Variants in NAALADL2 observed in about 807,000 individuals in gnomAD.
The protein encoded by NAALADL2 is N-acetylated alpha-linked acidic dipeptidase like 2.
In NAALADL2, 76 loss-of-function variants were observed where a neutral mutation model predicts 87.2. That is an observed-to-expected ratio of 0.87 (90% CI 0.72 to 1.05). NAALADL2 has a LOEUF of 1.05. NAALADL2 is among the 50% of genes least tolerant of loss of function. NAALADL2 has a pLI of 0.00. For synonymous variants in NAALADL2, 354 were observed against 331.0 expected, an observed-to-expected ratio of 1.07 and a Z score of -0.75; for missense variants, 1,089 against 945.8, an observed-to-expected ratio of 1.15 and a Z score of -1.99.
rs115434093 is a variant in NAALADL2 at position 175,326,170 on chromosome 3, C to T, written c.1090+1845C>T. Among the ~76,000 whole-genome samples the T allele has an allele frequency of 8.3e-3, 1,266 of 152,336 alleles. 18 individuals carry two copies. The highest frequency in any genetic ancestry group is 0.029 in the African/African-American group (1,220 of 41,574). On this transcript the variant is annotated intron_variant, in intron 5 of 13. Transcript: ENST00000454872. Reference sequence around the variant, plus strand: ...AAATTCTACCTTCCATAAAGCCCTACGGCATGGACACAATTCAGTCAAATT... The same window carrying T: ...AAATTCTACCTTCCATAAAGCCCTATGGCATGGACACAATTCAGTCAAATT...
intron 1 of NAALADL2, among the ~76,000 whole-genome samples, chr3:174,917,928 G>GTATTT (rs978384978): frequency 2.6e-5 from 4 of 151,960 alleles, no homozygotes; most frequent in African/African-American, 9.7e-5. Context: ...TTTTAAAACT[G>GTATTT]AAAATAGTGT....
intron 2 of NAALADL2, among the ~76,000 whole-genome samples, chr3:174,725,056 T>A (rs1250206872): frequency 6.6e-6 from 1 of 152,126 alleles, no homozygotes; most frequent in African/African-American, 2.4e-5. Context: ...ATTTGAAGAG[T>A]GACATTTACT....
intron 3 of NAALADL2, among the ~76,000 whole-genome samples, chr3:175,255,620 G>A (rs750709347): frequency 1.3e-5 from 2 of 152,122 alleles, no homozygotes; most frequent in Admixed American, 6.5e-5. Context: ...TTGGCCCATA[G>A]GAATATATGA....
chr3:175,079,515 T>C (rs1385914729), intron 1 of NAALADL2: 1 of 152,226 alleles, frequency 6.6e-6, no homozygotes, highest in South Asian at 2.1e-4. Flanking sequence ...AAAAGTATGC[T>C]AGGTCTTAAG....
chr3:174,705,281 TGTACAAATACCATACAGACA>T (rs1266836914), intron 2 of NAALADL2, among the ~76,000 whole-genome samples: 3 of 152,134 alleles, frequency 2.0e-5, no homozygotes, highest in African/African-American at 7.2e-5. Flanking sequence ...GTGGGGAGAA[TGTACAAATACCATACAGACA>T]GTAGCCCCAG....
intron 11 of NAALADL2, among the ~76,000 whole-genome samples, chr3:175,662,370 A>G (rs901223830): frequency 6.6e-6 from 1 of 151,952 alleles, no homozygotes; most frequent in Non-Finnish European, 1.5e-5. Flanking sequence ...TAAATTTATC[A>G]GTTCTCAGAA....
chr3:174,536,134 A>G (rs139050747), intron 1 of NAALADL2, among the ~76,000 whole-genome samples: 146 of 152,234 alleles, frequency 9.6e-4, no homozygotes, highest in African/African-American at 3.0e-3. Context: ...TCTAGTATGT[A>G]TGTCTTGAGT....
intron 1 of NAALADL2, among the ~76,000 whole-genome samples, chr3:174,882,062 A>G (rs1729258070): frequency 6.6e-6 from 1 of 152,134 alleles, no homozygotes; most frequent in African/African-American, 2.4e-5. Context: ...AGTTTTTGAG[A>G]ATAAGTCAGA....
At chr3:175,736,973 T>C (rs1744582771) in intron 11 of NAALADL2, among the ~76,000 whole-genome samples, 2 of 152,190 alleles carry the variant, frequency 1.3e-5, no homozygotes, top group African/African-American at 4.8e-5. Flanking sequence ...TGTTTGGTCA[T>C]GTGATACTAC....
chr3:174,566,637 A>T (rs1435887266), intron 2 of NAALADL2, among the ~76,000 whole-genome samples: 1 of 150,346 alleles, frequency 6.7e-6, no homozygotes, highest in Admixed American at 6.6e-5. Context: ...TATGTCTTTA[A>T]TTTTTTCCCT....
At chr3:175,429,641 C>T (rs1358814648) in intron 5 of NAALADL2, among the ~76,000 whole-genome samples, 2 of 152,082 alleles carry the variant, frequency 1.3e-5, no homozygotes, top group African/African-American at 4.8e-5. Flanking sequence ...GAAACCTTCG[C>T]ACATATGCAA....
chr3:175,318,952 T>C (rs918048746), intron 4 of NAALADL2, among the ~76,000 whole-genome samples: 4 of 143,428 alleles, frequency 2.8e-5, no homozygotes, highest in South Asian at 2.2e-4. Context: ...TGTTTCCCTT[T>C]TAATTGCAGA....
chr3:175,360,519 A>G (rs1225599173), intron 5 of NAALADL2, among the ~76,000 whole-genome samples: 1 of 152,002 alleles, frequency 6.6e-6, no homozygotes, highest in Admixed American at 6.6e-5. Context: ...TTTGGAGGAA[A>G]ACATTCTCCA....
intron 3 of NAALADL2, among the ~76,000 whole-genome samples, chr3:174,741,952 G>A (rs1733808088): frequency 6.6e-6 from 1 of 151,426 alleles, no homozygotes; most frequent in Non-Finnish European, 1.5e-5. Context: ...TATACTTTTT[G>A]CGTATGCACT....
chr3:175,449,871 G>A (rs546069336), intron 6 of NAALADL2, among the ~76,000 whole-genome samples: 3 of 152,152 alleles, frequency 2.0e-5, no homozygotes, highest in Non-Finnish European at 4.4e-5. Flanking sequence ...ATATGAAATT[G>A]TTCTCATGGA....
At chr3:174,609,900 C>T (rs536363640) in intron 2 of NAALADL2, among the ~76,000 whole-genome samples, 1 of 152,102 alleles carries the variant, frequency 6.6e-6, no homozygotes, top group African/African-American at 2.4e-5. Context: ...ATCATGCTAC[C>T]TGACTTCAAA....
intron 5 of NAALADL2, among the ~76,000 whole-genome samples, chr3:175,360,909 T>G (rs1274827978): frequency 6.6e-6 from 1 of 151,742 alleles, no homozygotes; most frequent in Non-Finnish European, 1.5e-5. Flanking sequence ...AGGGTACATG[T>G]GTACAACGTG....
intron 1 of NAALADL2, among the ~76,000 whole-genome samples, chr3:174,908,011 A>G (rs1057268351): frequency 2.5e-4 from 36 of 146,390 alleles, no homozygotes; most frequent in Non-Finnish European, 9.0e-5. Context: ...TTTTCGAAAG[A>G]GAGAAGTTGG....
At chr3:175,570,647 G>A (rs1310910674) in intron 9 of NAALADL2, among the ~76,000 whole-genome samples, 4 of 152,184 alleles carry the variant, frequency 2.6e-5, no homozygotes, top group East Asian at 3.9e-4. Flanking sequence ...TTGGGAAGCC[G>A]AGGCGGGCGG....
Sources: gnomAD v4.1 joint callset for allele counts (sites outside exome capture counted in the v4.1 genomes callset) on GRCh38, gnomAD v4.1.1 for gene constraint, MANE v1.5 for transcripts, NCBI Gene and HGNC (gene_info 2026-07-23, HGNC 2026-07-21) for gene names.